Variants in COBLL1 observed in about 807,000 individuals in gnomAD.
COBLL1 encodes the protein cordon-bleu WH2 repeat protein like 1.
Under a neutral mutation model 94.8 loss-of-function variants are expected in COBLL1, and 50 were observed. The observed-to-expected ratio is 0.53, with a 90% CI of 0.42 to 0.67. The LOEUF (loss-of-function observed/expected upper bound fraction) is 0.67, where lower values mean the gene tolerates loss of function less well. COBLL1 is among the 30% of genes least tolerant of loss of function. COBLL1 has a pLI of 0.00. For synonymous variants in COBLL1, 448 were observed against 473.8 expected (o/e 0.95, Z 0.71); for missense variants, 1,362 against 1,348.7 (o/e 1.01, Z -0.15).
At chr2:164,806,876 T>G (rs545776408) in intron 2 of COBLL1, among the ~76,000 whole-genome samples, 1 of 152,142 alleles carries the variant, frequency 6.6e-6, no homozygotes, top group South Asian at 2.1e-4. Flanking sequence ...ATTTTTCTAT[T>G]TTTTTGTAGA....
intron 7 of COBLL1, among the ~76,000 whole-genome samples, chr2:164,721,263 C>A (rs1268363106): frequency 6.6e-6 from 1 of 152,180 alleles, no homozygotes; most frequent in Non-Finnish European, 1.5e-5. Flanking sequence ...CAAATAAAAT[C>A]TGCTCTCAAA....
intron 9 of COBLL1, 92 bp from the exon 10 acceptor site, chr2:164,700,848 T>C: frequency 1.3e-6 from 1 of 747,000 alleles, no homozygotes; most frequent in Non-Finnish European, 2.2e-6. Context: ...AAAATAATAA[T>C]TAGCTGGACT....
chr2:164,760,811 A>G (rs2105220685), intron 2 of COBLL1, among the ~76,000 whole-genome samples: 1 of 152,356 alleles, frequency 6.6e-6, no homozygotes, highest in East Asian at 1.9e-4. Context: ...AGAATCACCT[A>G]TGGAACTTGT....
chr2:164,772,123 G>T (rs1411289258), intron 2 of COBLL1: 2 of 151,478 alleles, frequency 1.3e-5, no homozygotes, highest in Admixed American at 6.6e-5. Flanking sequence ...AAGGGGATTT[G>T]TTTAGTTGTT....
At chr2:164,674,121 C>T (rs749030111) in intron 1 of COBLL1, among the ~76,000 whole-genome samples, 1 of 152,076 alleles carries the variant, frequency 6.6e-6, no homozygotes, top group South Asian at 2.1e-4. Context: ...AGTGCAGTGG[C>T]GTAATCTTGG....
chr2:164,701,710 C>G (rs1006779544), intron 9 of COBLL1, among the ~76,000 whole-genome samples: 22 of 151,118 alleles, frequency 1.5e-4, no homozygotes, highest in African/African-American at 4.9e-4. Flanking sequence ...CAGTAGCCAG[C>G]AGGGTAAAAG....
intron 2 of COBLL1, among the ~76,000 whole-genome samples, chr2:164,748,996 C>G (rs550270747): frequency 6.6e-6 from 1 of 152,220 alleles, no homozygotes; most frequent in African/African-American, 2.4e-5. Flanking sequence ...CCTACTATTA[C>G]TGCTGATTGG....
chr2:164,820,237 T>G (rs939142436), intron 2 of COBLL1, among the ~76,000 whole-genome samples: 3 of 152,078 alleles, frequency 2.0e-5, no homozygotes, highest in Non-Finnish European at 4.4e-5. Context: ...ACTTTTGTTT[T>G]GAGACAAGGT....
intron 2 of COBLL1, among the ~76,000 whole-genome samples, chr2:164,756,251 G>A (rs1173491277): frequency 6.6e-6 from 1 of 152,088 alleles, no homozygotes; most frequent in African/African-American, 2.4e-5. Context: ...ATGTACTCCA[G>A]TAGAAAACAT....
chr2:164,740,164 T>C (rs1006116510), intron 3 of COBLL1, among the ~76,000 whole-genome samples: 8 of 152,062 alleles, frequency 5.3e-5, no homozygotes, highest in Non-Finnish European at 1.2e-4. Flanking sequence ...AACACTGATA[T>C]ACATGCTGGG....
intron 2 of COBLL1, among the ~76,000 whole-genome samples, chr2:164,807,784 GTTTA>G (rs1379328704): frequency 6.6e-6 from 1 of 151,874 alleles, no homozygotes; most frequent in Non-Finnish European, 1.5e-5. Flanking sequence ...AAGTGGTTGA[GTTTA>G]TTTTTGTTTG....
intron 2 of COBLL1, among the ~76,000 whole-genome samples, chr2:164,816,313 C>G (rs757354943): frequency 2.6e-5 from 4 of 152,130 alleles, no homozygotes; most frequent in Non-Finnish European, 4.4e-5. Flanking sequence ...ACAGTGGGCC[C>G]TCTAAGTCTG....
rs1007297649 is a variant in COBLL1, at chr2:164,682,078, C to A, written c.*3868G>T. 8.5e-5 allele frequency: 13 copies of A among 152,152 alleles called. No individual in the cohort carries two copies. The highest frequency in any genetic ancestry group is 1.8e-4 in the Non-Finnish European group (12 of 68,014). The allele number at this position is 152,152 out of a possible 1,614,324, so 9.4% of individuals were successfully genotyped here. Reference sequence around the variant, plus strand: ...TTCTTCATCATTTGCTACATTTAGTCATGGGGAAGAACAAATTAGTAATTG... The same window carrying A: ...TTCTTCATCATTTGCTACATTTAGTAATGGGGAAGAACAAATTAGTAATTG... On this transcript the variant is annotated 3_prime_UTR_variant, in exon 14 of 14. Coordinates refer to ENST00000652658, the MANE Select transcript of COBLL1 (RefSeq NM_001365672.2).
chr2:164,817,360 T>C (rs1230962334), intron 2 of COBLL1, among the ~76,000 whole-genome samples: 1 of 81,390 alleles, frequency 1.2e-5, no homozygotes, highest in African/African-American at 5.8e-5. Context: ...ATGGTATATA[T>C]TAAAAAAAAA....
intron 2 of COBLL1, among the ~76,000 whole-genome samples, chr2:164,744,154 C>G (rs1239853150): frequency 6.6e-6 from 1 of 152,098 alleles, no homozygotes; most frequent in Non-Finnish European, 1.5e-5. Flanking sequence ...AATTTAGTTA[C>G]TGTGTGTTCA....
chr2:164,765,303 C>T (rs1006207893), intron 2 of COBLL1, among the ~76,000 whole-genome samples: 3 of 152,046 alleles, frequency 2.0e-5, no homozygotes, highest in African/African-American at 7.2e-5. Context: ...ACAATATAAA[C>T]ACAACCACAA....
intron 2 of COBLL1, among the ~76,000 whole-genome samples, chr2:164,753,359 C>A (rs1035513322): frequency 1.3e-5 from 2 of 152,154 alleles, no homozygotes; most frequent in Non-Finnish European, 2.9e-5. Flanking sequence ...CCCCATAGCA[C>A]CTCCACTTAA....
chr2:164,842,055 G>A, upstream of COBLL1: 1 of 1,525,864 alleles, frequency 6.6e-7, no homozygotes, highest in South Asian at 1.2e-5. Flanking sequence ...TGGAGCGAGG[G>A]AAGCAGCGAG....
chr2:164,748,203 A>G (rs745564082), intron 2 of COBLL1, among the ~76,000 whole-genome samples: 6 of 152,212 alleles, frequency 3.9e-5, no homozygotes, highest in Non-Finnish European at 8.8e-5. Context: ...TTTGCTTACT[A>G]CATAGTCCAG....
Sources: gnomAD v4.1 joint callset for allele counts (sites outside exome capture counted in the v4.1 genomes callset) on GRCh38, gnomAD v4.1.1 for gene constraint, MANE v1.5 for transcripts, NCBI Gene and HGNC (gene_info 2026-07-23, HGNC 2026-07-21) for gene names.